CELA3B: variants seen among roughly 807,000 people sequenced by gnomAD.
CELA3B encodes the protein chymotrypsin like elastase 3B, also known as chymotrypsin-like elastase family member 3B.
Under a neutral mutation model 37.2 loss-of-function variants are expected in CELA3B, and 34 were observed. That is an observed-to-expected ratio of 0.91 (90% CI 0.70 to 1.22). The LOEUF is 1.22. Ranked by LOEUF, CELA3B falls within the 50% of genes most tolerant of loss-of-function variation. CELA3B has a pLI of 0.00. For missense variants in CELA3B, 340 were observed against 363.1 expected (o/e 0.94, Z 0.52); for synonymous variants, 127 against 143.5 (o/e 0.89, Z 0.82).
At chr1:21,991,406 G>A (rs1471791066), downstream of CELA3B, among the ~76,000 whole-genome samples, 1 of 149,506 alleles carries the variant, frequency 6.7e-6, no homozygotes, top group Non-Finnish European at 1.5e-5. Context: ...TGTAATCTCA[G>A]CTCACTGCAA....
intron 7 of CELA3B, among the ~76,000 whole-genome samples, chr1:21,988,176 C>T (rs1444186678): frequency 1.3e-5 from 2 of 151,678 alleles, no homozygotes; most frequent in Non-Finnish European, 2.9e-5. Flanking sequence ...TACGCCACTG[C>T]ACTCCAGCCT....
rs1644798735 is a variant in CELA3B at position 21,980,711 on chromosome 1, T to G, written c.130-113T>G. The stretch of plus-strand genomic sequence containing the variant: ...CATATTTCAGTGGGTGCTCTTGTTT[T>G]CCGTGTGAATGGCGCCCTCTAGAGT... On this transcript the variant is annotated intron_variant, in intron 2 of 7. Transcript: ENST00000337107. 6 of 779,070 alleles carry G rather than the reference T, an allele frequency of 7.7e-6. No individual in the cohort carries two copies. In the East Asian group the frequency reaches 1.3e-4, roughly 17 times the overall value. 48.3% of individuals were successfully genotyped at this position (779,070 alleles called of 1,614,324 possible). A position where few individuals can be genotyped will look rare whatever the true frequency, so the allele number is the denominator to read the frequency against.
In CELA3B at chr1:21,988,319, C is replaced by T. The variant is rs573683129; in HGVS notation, c.796-943C>T. ...AAAAATATATATATAAGGCCAGGCA[C>T]GGTGGCTCATGCCTGTAATCCCAGC... On this transcript the variant is annotated intron_variant, in intron 7 of 7. Transcript: ENST00000337107. Among the ~76,000 whole-genome samples the T allele has an allele frequency of 9.2e-5, 14 of 151,642 alleles. No individual in the cohort carries two copies. In the East Asian group the frequency reaches 1.6e-3, roughly 17 times the overall value.
intron 5 of CELA3B, 107 bp downstream of exon 5, chr1:21,983,937 C>T: frequency 1.5e-6 from 2 of 1,368,480 alleles, no homozygotes; most frequent in Non-Finnish European, 2.0e-6. Context: ...ACTTTTCTCC[C>T]ATTTCTCTCC....
At chr1:21,987,437 G>A (rs1314339182) in intron 7 of CELA3B, 1 of 130,412 alleles carries the variant, frequency 7.7e-6, no homozygotes, top group Non-Finnish European at 1.6e-5. Context: ...AGGTGACAGA[G>A]CGAGACTCCG....
At chr1:21,984,622 C>A (rs112413154) in intron 6 of CELA3B, among the ~76,000 whole-genome samples, 2,534 of 152,258 alleles carry the variant, frequency 0.017, 27 homozygotes, top group African/African-American at 0.025. Context: ...GGTCCCATGA[C>A]CTCCAACGCA....
chr1:21,977,115 G>A (rs1243221845), intron 1 of CELA3B, 33 bp downstream of exon 1: 1 of 1,613,916 alleles, frequency 6.2e-7, no homozygotes, highest in Non-Finnish European at 8.5e-7. Context: ...TGCTCCCTGG[G>A]CTGCCCTAGA....
At chr1:21,993,108 A>G (rs1236181824), downstream of CELA3B, among the ~76,000 whole-genome samples, 2 of 151,536 alleles carry the variant, frequency 1.3e-5, no homozygotes, top group East Asian at 1.9e-4. Flanking sequence ...TTCCGCACTA[A>G]AATACCAAGG....
intron 2 of CELA3B, 31 bp downstream of exon 2, chr1:21,978,485 A>G (rs1405329941): frequency 1.9e-6 from 3 of 1,611,292 alleles, no homozygotes; most frequent in Non-Finnish European, 1.7e-6. Flanking sequence ...CCTCATTCCC[A>G]CCGTGGGCTC....
In CELA3B at chr1:21,977,593, C is replaced by T. The variant is rs528081911; in HGVS notation, c.43+511C>T. ...TGCCAGGCAGAATGTTTAGGGTTTTCCTTATACTTTCTCATGTAATTCTCA... is the reference window on the plus strand; with the variant it reads ...TGCCAGGCAGAATGTTTAGGGTTTTTCTTATACTTTCTCATGTAATTCTCA... On this transcript the variant is annotated intron_variant, in intron 1 of 7. Coordinates refer to ENST00000337107, the MANE Select transcript of CELA3B (RefSeq NM_007352.4). Among the ~76,000 whole-genome samples the T allele has an allele frequency of 1.4e-3, 212 of 152,222 alleles. 7 individuals are homozygous for T. In the East Asian group the frequency reaches 0.023, roughly 16 times the overall value.
At chr1:21,984,084 GTCC>G (rs1330140637) in intron 5 of CELA3B, 102 bp from the exon 6 acceptor site, 23 of 1,407,852 alleles carry the variant, frequency 1.6e-5, no homozygotes, top group Middle Eastern at 1.8e-4. Context: ...TGGGAGGAGA[GTCC>G]TCATCAGAGC....
chr1:21,996,780 G>A lies in CELA3B; in HGVS notation c.505-1371G>A, dbSNP rs948060133. Among the ~76,000 whole-genome samples, 17 of 150,786 alleles carry A rather than the reference G, an allele frequency of 1.1e-4. 1 individual carries two copies. Among genetic ancestry groups the A allele is most frequent in the Admixed American group, 7.3e-4 (11 of 15,140 alleles). On this transcript the variant is annotated intron_variant, in intron 4 of 4. Transcript: ENST00000400277. ...TCAATAACCTCCTTGGATCCCAGCC[G>A]GGATGATGCCTTCCCTGGGACAAGA...
intron 4 of CELA3B, among the ~76,000 whole-genome samples, chr1:21,983,121 G>C: frequency 6.6e-6 from 1 of 152,182 alleles, no homozygotes; most frequent in East Asian, 1.9e-4. Context: ...AGGCCCAGGC[G>C]GGCATATCAG....
chr1:21,991,556 G>C (rs1440095966), downstream of CELA3B, among the ~76,000 whole-genome samples: 2 of 150,966 alleles, frequency 1.3e-5, no homozygotes, highest in African/African-American at 4.9e-5. Flanking sequence ...GGCTGGTCTC[G>C]AACTCCTGAC....
At chr1:21,998,158 A>G (rs922481656) in exon 5 of CELA3B, 2 of 470,226 alleles carry the variant, frequency 4.3e-6, no homozygotes, top group African/African-American at 2.0e-5. Flanking sequence ...CAGAAACTAC[A>G]GGGCAACAAG....
chr1:21,981,208 C>T, intron 4 of CELA3B, 36 bp downstream of exon 4: 1 of 1,605,028 alleles, frequency 6.2e-7, no homozygotes, highest in Non-Finnish European at 8.5e-7. Flanking sequence ...CCAGAGGCTC[C>T]TCTACTCATC....
chr1:21,995,966 C>A lies in CELA3B; in HGVS notation c.505-2185C>A, dbSNP rs1313043565. Among the ~76,000 whole-genome samples, 3 of 149,938 alleles carry A rather than the reference C, an allele frequency of 2.0e-5. 1 individual carries two copies. The highest frequency in any genetic ancestry group is 4.4e-5 in the Non-Finnish European group (3 of 67,770). ...GCAGTGGCTCAGCCTGTAATCCCAG[C>A]ACTTTGGGAGGCTGAGGCGGGCAGA... On this transcript the variant is annotated intron_variant, in intron 4 of 4. Transcript: ENST00000400277.
At chr1:21,988,776 G>C (rs1170989474) in intron 7 of CELA3B, among the ~76,000 whole-genome samples, 1 of 151,780 alleles carries the variant, frequency 6.6e-6, no homozygotes, top group Non-Finnish European at 1.5e-5. Context: ...TGTAGTCCCA[G>C]CTACTTGGGA....
downstream of CELA3B, among the ~76,000 whole-genome samples, chr1:21,994,042 G>A (rs1182269645): frequency 6.6e-6 from 1 of 151,160 alleles, no homozygotes; most frequent in Non-Finnish European, 1.5e-5. Context: ...GTTCTCCTGT[G>A]GAAAACCCTT....
Sources: gnomAD v4.1 joint callset for allele counts (sites outside exome capture counted in the v4.1 genomes callset) on GRCh38, gnomAD v4.1.1 for gene constraint, MANE v1.5 for transcripts, NCBI Gene and HGNC (gene_info 2026-07-23, HGNC 2026-07-21) for gene names.